The following SLC16A12 variants were observed in gnomAD, a reference collection of about 807,000 sequenced individuals.
SLC16A12 encodes the protein monocarboxylate transporter 12.
SLC16A12 carries 17 observed loss-of-function variants against 42.4 expected under a neutral mutation model. The observed-to-expected ratio is 0.40, with a 90% confidence interval of 0.27 to 0.60. The LOEUF (loss-of-function observed/expected upper bound fraction) is 0.60, where lower values mean the gene tolerates loss of function less well. Ranked by LOEUF, SLC16A12 falls within the 20% of genes least tolerant of loss-of-function variation. SLC16A12 has a pLI of 0.42. For missense variants in SLC16A12, 544 were observed against 623.0 expected (o/e 0.87, Z 1.35); for synonymous variants, 224 against 229.4 (o/e 0.98, Z 0.21).
chr10:89,529,146 C>T (rs909693315), intron 2 of SLC16A12, among the ~76,000 whole-genome samples: 1 of 151,872 alleles, frequency 6.6e-6, no homozygotes. Context: ...GTGGTTCCTT[C>T]GGGGGCTATG....
chr10:89,540,531 G>A (rs1452577781), upstream of SLC16A12, among the ~76,000 whole-genome samples: 1 of 152,100 alleles, frequency 6.6e-6, no homozygotes, highest in Non-Finnish European at 1.5e-5. Context: ...CCAGCCTCAT[G>A]ACTGTAGCTA....
At position 89,462,497 on chromosome 10, in the gene SLC16A12, T is replaced by C. The variant is rs374028729; in HGVS notation, c.82A>G (p.Arg28Gly). The change falls in exon 3 of 8, where the codon AGA becomes GGA. Residue 28 changes from arginine (R) to glycine (G), a missense_variant. Arg to Gly is a moderately radical substitution (Grantham distance 125, BLOSUM62 -2). Coordinates refer to ENST00000371790, the MANE Select transcript of SLC16A12 (RefSeq NM_213606.4). ...CTATTTACTTTTGCCATGGTTTTTC[T>C]TTTTTCTTCTTTTCCAGGTTGCTCC... ...LLEQPGKEEK[R>G]KTMAKVNRAR... The C allele has an allele frequency of 4.3e-6, 7 of 1,613,868 alleles. No homozygotes were observed. In the African/African-American group the frequency reaches 8.0e-5, roughly 18 times the overall value.
At chr10:89,436,519 A>G (rs537931573) in intron 6 of SLC16A12, among the ~76,000 whole-genome samples, 200 bp from the exon 7 acceptor site, 2 of 152,312 alleles carry the variant, frequency 1.3e-5, no homozygotes, top group Admixed American at 1.3e-4. Context: ...TGTGGTAGAA[A>G]GAATATATAC....
At chr10:89,442,111 A>G (rs1372779877) in intron 4 of SLC16A12, among the ~76,000 whole-genome samples, 1 of 152,334 alleles carries the variant, frequency 6.6e-6, no homozygotes, top group Non-Finnish European at 1.5e-5. Context: ...CAAGATCAGA[A>G]GACCTGATTT....
chr10:89,548,741 G>A lies in SLC16A12; in HGVS notation c.-47+7141C>T, dbSNP rs1022024275. The stretch of plus-strand genomic sequence containing the variant: ...TGAGGCAGGAGAATCGCTTGAATCC[G>A]GGAGGCAGAGGTTGCAATGAGCTGA... On this transcript the variant is annotated intron_variant, in intron 2 of 2. Transcript: ENST00000475682. 5.3e-5 allele frequency among the ~76,000 whole-genome samples: 8 copies of A among 152,202 alleles called. No individual in the cohort carries two copies. In the South Asian group the frequency reaches 8.3e-4, roughly 16 times the overall value.
chr10:89,501,817 G>A lies in SLC16A12; in HGVS notation c.-47+32684C>T, dbSNP rs570594461. On this transcript the variant is annotated intron_variant, in intron 2 of 7. Transcript: ENST00000371790. The stretch of plus-strand genomic sequence containing the variant: ...CCTAGCATATTTATCACTATTTGAA[G>A]TTGTCTCATTTGCTCATTTGTTTAT... Among the ~76,000 whole-genome samples the A allele has an allele frequency of 2.6e-5, 4 of 152,292 alleles. No individual in the cohort carries two copies. In the South Asian group the frequency reaches 8.3e-4, roughly 32 times the overall value.
intron 7 of SLC16A12, among the ~76,000 whole-genome samples, chr10:89,433,937 T>C (rs1589655278): frequency 6.6e-6 from 1 of 152,284 alleles, no homozygotes. Context: ...ACCGGGCATA[T>C]GATATGCAAA....
chr10:89,459,503 G>A (rs1393965858), intron 3 of SLC16A12, among the ~76,000 whole-genome samples: 4 of 115,932 alleles, frequency 3.5e-5, no homozygotes, highest in East Asian at 5.7e-4. Context: ...AGGGCATAGC[G>A]GTTTCTGTGT....
At chr10:89,496,977 G>A (rs1842929469) in intron 2 of SLC16A12, among the ~76,000 whole-genome samples, 1 of 152,122 alleles carries the variant, frequency 6.6e-6, no homozygotes, top group South Asian at 2.1e-4. Flanking sequence ...AATGGCCAAT[G>A]AACACATGAA....
chr10:89,464,687 A>T (rs1352782749), intron 2 of SLC16A12, among the ~76,000 whole-genome samples: 1 of 152,226 alleles, frequency 6.6e-6, no homozygotes, highest in Non-Finnish European at 1.5e-5. Flanking sequence ...AAAATGGCTC[A>T]CAACAGAAAT....
intron 2 of SLC16A12, among the ~76,000 whole-genome samples, chr10:89,494,380 C>T (rs939172169): frequency 6.6e-6 from 1 of 152,190 alleles, no homozygotes; most frequent in Non-Finnish European, 1.5e-5. Flanking sequence ...TCCCCAAATG[C>T]TCAAATATGC....
chr10:89,446,138 C>T (rs1841998075), intron 3 of SLC16A12, among the ~76,000 whole-genome samples: 2 of 152,068 alleles, frequency 1.3e-5, no homozygotes, highest in African/African-American at 4.8e-5. Context: ...TGATTGGCGT[C>T]CCTCAAAGTG....
intron 3 of SLC16A12, among the ~76,000 whole-genome samples, chr10:89,449,282 A>T (rs893428740): frequency 6.6e-6 from 1 of 152,214 alleles, no homozygotes; most frequent in Non-Finnish European, 1.5e-5. Context: ...GGAACCAAAA[A>T]ACTGCCTGCA....
intron 2 of SLC16A12, among the ~76,000 whole-genome samples, chr10:89,545,283 A>T (rs1843736241): frequency 6.6e-6 from 1 of 152,196 alleles, no homozygotes; most frequent in Non-Finnish European, 1.5e-5. Flanking sequence ...AGGTATGATG[A>T]TTGTCATGCA....
At chr10:89,513,273 T>A (rs1843193084) in intron 2 of SLC16A12, among the ~76,000 whole-genome samples, 1 of 152,224 alleles carries the variant, frequency 6.6e-6, no homozygotes, top group Admixed American at 6.5e-5. Context: ...CTCTGTCTGA[T>A]CATTTTAATG....
At position 89,438,963 on chromosome 10, in the gene SLC16A12, C is replaced by T. The variant is rs1841854455; in HGVS notation, c.669G>A (p.Leu223=). The change falls in exon 6 of 8, where the codon TTG becomes TTA. Residue 223 remains leucine, a synonymous_variant. Transcript: ENST00000371790. ...FVLNLCVCGA[L]MRPITLKEDH... ...CCTCTTTAAGAGTAATTGGCCTCAT[C>T]AAGGCACCACATACACAGAGATTCA... 5 of 1,614,040 alleles carry T rather than the reference C, an allele frequency of 3.1e-6. No individual in the cohort carries two copies. In the East Asian group the frequency reaches 1.1e-4, roughly 36 times the overall value.
At chr10:89,525,473 C>T (rs555126387) in intron 2 of SLC16A12, among the ~76,000 whole-genome samples, 9 of 151,830 alleles carry the variant, frequency 5.9e-5, no homozygotes, top group East Asian at 5.8e-4. Flanking sequence ...TGGAAGATAA[C>T]GAAAGAAGTC....
At chr10:89,449,744 C>G (rs1428480845) in intron 3 of SLC16A12, among the ~76,000 whole-genome samples, 6 of 152,080 alleles carry the variant, frequency 3.9e-5, no homozygotes, top group African/African-American at 1.4e-4. Context: ...CAACAAAAGC[C>G]AAAATTGACA....
Position 89,441,224 on chromosome 10 carries a change from T to A in SLC16A12, c.332A>T (p.His111Leu). 6.2e-7 allele frequency: 1 copy of A among 1,613,958 alleles called. No individual in the cohort carries two copies. Among genetic ancestry groups the A allele is most frequent in the Non-Finnish European group, 8.5e-7 (1 of 1,179,950 alleles). The change falls in exon 5 of 8, where the codon CAT becomes CTT. Residue 111 changes from histidine (H) to leucine (L), a missense_variant. Transcript: ENST00000371790. ...CAPLGSVVSN[H>L]LSCQVGIMLG... is the part of the protein sequence containing the mutation. ...CATGATTCCCACTTGACAGGATAAATGGTTACTGACAACACTCCCAAGTGG... is the reference window on the plus strand; with the variant it reads ...CATGATTCCCACTTGACAGGATAAAAGGTTACTGACAACACTCCCAAGTGG...
Sources: gnomAD v4.1 joint callset for allele counts (sites outside exome capture counted in the v4.1 genomes callset) on GRCh38, gnomAD v4.1.1 for gene constraint, MANE v1.5 for transcripts, NCBI Gene and HGNC (gene_info 2026-07-23, HGNC 2026-07-21) for gene names.